Variants in PTPN6 observed in about 807,000 individuals in gnomAD.
The protein encoded by PTPN6 is protein tyrosine phosphatase non-receptor type 6.
PTPN6 carries 18 observed loss-of-function variants against 81.5 expected under a neutral mutation model. That is an observed-to-expected ratio of 0.22 (90% CI 0.15 to 0.33). The LOEUF (loss-of-function observed/expected upper bound fraction) is 0.33, where lower values mean the gene tolerates loss of function less well. Among genes scored for constraint, PTPN6 ranks in the 10% least tolerant of loss-of-function variants. PTPN6 has a pLI of 1.00. For synonymous variants in PTPN6, 301 were observed against 310.9 expected (o/e 0.97, Z 0.33); for missense variants, 500 against 794.2 (o/e 0.63, Z 4.45).
chr12:6,958,279 G>T (rs1474863692), intron 11 of PTPN6, among the ~76,000 whole-genome samples: 3 of 152,188 alleles, frequency 2.0e-5, no homozygotes, highest in Non-Finnish European at 4.4e-5. Flanking sequence ...CTGCCTGTGG[G>T]TATCTTCCTC....
chr12:6,952,950 A>G lies in PTPN6; in HGVS notation c.326+773A>G, dbSNP rs1411349696. ...GAGTAAAGGGCAGCGGAATAACGCT[A>G]GGGGGTTTTCACATGCACCCCTGGG... is the stretch of plus-strand genomic sequence containing the variant. On this transcript the variant is annotated intron_variant, in intron 3 of 15. Transcript: ENST00000318974. The surrounding 1 kb of genome is among the most constrained non-coding windows in gnomAD (Gnocchi z 8.1). 1 of 152,280 alleles carries G rather than the reference A, an allele frequency of 6.6e-6. No homozygotes were observed. The highest frequency in any genetic ancestry group is 2.4e-5 in the African/African-American group (1 of 41,444). 9.4% of individuals were successfully genotyped at this position (152,280 alleles called of 1,614,324 possible).
rs1351499067 is a variant in PTPN6, at chr12:6,954,555, CA to C, written c.327-249del. 3.3e-5 allele frequency among the ~76,000 whole-genome samples: 5 copies of C among 152,328 alleles called. No homozygotes were observed. Among genetic ancestry groups the C allele is most frequent in the African/African-American group, 9.6e-5 (4 of 41,570 alleles). ...GAGCTCTGGAAGCTTGCCCTAGAGT[CA>C]GTCAAGGGCCCTAGGCCAGTGAGTA... On this transcript the variant is annotated intron_variant, in intron 3 of 15. Coordinates refer to ENST00000318974, the MANE Select transcript of PTPN6 (RefSeq NM_002831.6). The surrounding 1 kb of genome is among the most constrained non-coding windows in gnomAD (Gnocchi z 5.4).
rs1253784813 is a variant in PTPN6, at chr12:6,959,701, C to T, written c.1362-226C>T. On this transcript the variant is annotated intron_variant, in intron 11 of 15. Transcript: ENST00000318974. The surrounding 1 kb of genome is among the most constrained non-coding windows in gnomAD (Gnocchi z 6.6). Reference sequence around the variant, plus strand: ...GGAGTGGAGGAGGGAAGGATGGTGGCAGCTGGGGAGCCAGCGTCAGCACCG... The same window carrying T: ...GGAGTGGAGGAGGGAAGGATGGTGGTAGCTGGGGAGCCAGCGTCAGCACCG... 3.3e-6 allele frequency: 2 copies of T among 606,268 alleles called. No homozygotes were observed. Among genetic ancestry groups the T allele is most frequent in the East Asian group, 5.5e-5 (2 of 36,146 alleles). 37.6% of individuals were successfully genotyped at this position (606,268 alleles called of 1,614,324 possible). A position where few individuals can be genotyped will look rare whatever the true frequency, so the allele number is the denominator to read the frequency against.
rs781887079 is a variant in PTPN6 at position 6,957,892 on chromosome 12, G to T, written c.1207-27G>T. On this transcript the variant is annotated intron_variant, in intron 10 of 15. Transcript: ENST00000318974. This position sits in a 1 kb window ranked among gnomAD's most constrained non-coding sequence, Gnocchi z 6.5. Reference sequence around the variant, plus strand: ...GATGAGGTGTTCCGAGAGAGGAGGGGGCACTGACCCTATGTCCTCGGCTTA... The same window carrying T: ...GATGAGGTGTTCCGAGAGAGGAGGGTGCACTGACCCTATGTCCTCGGCTTA... 3.5e-5 allele frequency: 57 copies of T among 1,613,894 alleles called. No homozygotes were observed. The South Asian group carries it at 5.7e-4, about 16-fold the overall frequency.
upstream of PTPN6, among the ~76,000 whole-genome samples, chr12:6,950,900 C>G (rs1364262431): frequency 6.6e-6 from 1 of 152,126 alleles, no homozygotes; most frequent in Non-Finnish European, 1.5e-5. Context: ...AAAGATAGCC[C>G]CTGTTTCATA....
upstream of PTPN6, among the ~76,000 whole-genome samples, chr12:6,949,580 C>A (rs781846087): frequency 6.6e-6 from 1 of 152,150 alleles, no homozygotes; most frequent in Non-Finnish European, 1.5e-5. Flanking sequence ...ATAACACCTA[C>A]TAAGTAGGGT....
At chr12:6,951,324 T>C (rs1409942022), upstream of PTPN6, 1 of 1,507,256 alleles carries the variant, frequency 6.6e-7, no homozygotes, top group Non-Finnish European at 8.9e-7. This position sits in a 1 kb window ranked among gnomAD's most constrained non-coding sequence, Gnocchi z 7.2. Context: ...CCGCGCCTCT[T>C]CCTGTCCCCG....
upstream of PTPN6, among the ~76,000 whole-genome samples, chr12:6,949,882 C>T (rs1159894750): frequency 4.8e-5 from 7 of 144,566 alleles, no homozygotes; most frequent in Non-Finnish European, 7.5e-5. Flanking sequence ...GGCATGATCT[C>T]GGCTCACTGC....
rs1946098507 is a variant in PTPN6 at position 6,959,931 on chromosome 12, G to A, written c.1366G>A (p.Gly456Ser). The change falls in exon 12 of 16, where the codon GGC (glycine) becomes AGC (serine). Residue 456 changes from glycine (G) to serine (S), a missense_variant. Physicochemically the swap from Gly to Ser is moderately conservative, Grantham distance 56. Coordinates refer to ENST00000318974, the MANE Select transcript of PTPN6 (RefSeq NM_002831.6). The surrounding 1 kb of genome is among the most constrained non-coding windows in gnomAD (Gnocchi z 6.6). ...AGPIIVHCSA[G>S]IGRTGTIIVI... Reference sequence around the variant, plus strand: ...GGCACCCCCGTCTTTCCCCAGCGCCGGCATCGGCCGCACAGGCACCATCAT... The same window carrying A: ...GGCACCCCCGTCTTTCCCCAGCGCCAGCATCGGCCGCACAGGCACCATCAT... 6.2e-7 allele frequency: 1 copy of A among 1,611,056 alleles called. No individual in the cohort carries two copies. The highest frequency in any genetic ancestry group is 8.5e-7 in the Non-Finnish European group (1 of 1,179,808).
At position 6,959,901 on chromosome 12, in the gene PTPN6, C is replaced by CTGA; in HGVS notation, c.1362-23_1362-21dup. 1 of 1,610,668 alleles carries CTGA rather than the reference C, an allele frequency of 6.2e-7. No individual in the cohort carries two copies. ...TTCCCGGGGAGGGCTTGACTGGCCT[C>CTGA]TGATGGCACCCCCGTCTTTCCCCAG... On this transcript the variant is annotated intron_variant, in intron 11 of 15. Transcript: ENST00000318974. The surrounding 1 kb of genome is among the most constrained non-coding windows in gnomAD (Gnocchi z 6.6).
In PTPN6 at chr12:6,954,715, C is replaced by T; in HGVS notation, c.327-90C>T. 1 of 1,342,986 alleles carries T rather than the reference C, an allele frequency of 7.4e-7. No homozygotes were observed. Among genetic ancestry groups the T allele is most frequent in the Non-Finnish European group, 1.0e-6 (1 of 966,442 alleles). 83.2% of individuals were successfully genotyped at this position (1,342,986 alleles called of 1,614,324 possible). A position where few individuals can be genotyped will look rare whatever the true frequency, so the allele number is the denominator to read the frequency against. On this transcript the variant is annotated intron_variant, in intron 3 of 15. Transcript: ENST00000318974. This position sits in a 1 kb window ranked among gnomAD's most constrained non-coding sequence, Gnocchi z 5.4. ...CGCAGTGCCTGGCACACAGTAGGTG[C>T]TTGATTTCCGGCCCCTCTCTGTGAA...
At chr12:6,948,111 C>A (rs1191594263), upstream of PTPN6, among the ~76,000 whole-genome samples, 1 of 151,746 alleles carries the variant, frequency 6.6e-6, no homozygotes, top group Non-Finnish European at 1.5e-5. Flanking sequence ...CATAGAGAGA[C>A]CCCATCTCTA....
rs2138286608 is a variant in PTPN6, at chr12:6,960,562, A to G, written c.1673+127A>G. 7.0e-7 allele frequency: 1 copy of G among 1,424,976 alleles called. No homozygotes were observed. 88.3% of individuals were successfully genotyped at this position (1,424,976 alleles called of 1,614,324 possible). On this transcript the variant is annotated intron_variant, in intron 14 of 15. Transcript: ENST00000318974. This position sits in a 1 kb window ranked among gnomAD's most constrained non-coding sequence, Gnocchi z 6.1. ...GGCTTCAAGTTCAGGCTTGGTTCTCACCCCTTCTGTTCATAAGCATTTCCT... is the reference window on the plus strand; with the variant it reads ...GGCTTCAAGTTCAGGCTTGGTTCTCGCCCCTTCTGTTCATAAGCATTTCCT...
intron 3 of PTPN6, chr12:6,953,239 C>G (rs781789452): frequency 1.3e-5 from 2 of 152,382 alleles, no homozygotes; most frequent in Non-Finnish European, 2.9e-5. Context: ...TGGCTGGCTC[C>G]GTGTCTGCCC....
chr12:6,946,680 C>T (rs1945823095), upstream of PTPN6: 3 of 1,567,996 alleles, frequency 1.9e-6, no homozygotes, highest in Non-Finnish European at 2.6e-6. Context: ...GGCTCAGCCC[C>T]GCCCCCTGCG....
At chr12:6,958,350 G>A (rs1329260506) in intron 11 of PTPN6, among the ~76,000 whole-genome samples, 2 of 152,222 alleles carry the variant, frequency 1.3e-5, no homozygotes, top group Non-Finnish European at 1.5e-5. Flanking sequence ...AGGAGCCCGG[G>A]ACCCAGTTGC....
In PTPN6 at chr12:6,956,323, G is replaced by T; in HGVS notation, c.925-96G>T. ...GAGACAGCTGGGCAAAGCCGAAGCT[G>T]GCTTCTTGCATGGGTGAGGGTGGCA... is the stretch of plus-strand genomic sequence containing the variant. On this transcript the variant is annotated intron_variant, in intron 8 of 15. Transcript: ENST00000318974. This position sits in a 1 kb window ranked among gnomAD's most constrained non-coding sequence, Gnocchi z 4.1. 6.2e-7 allele frequency: 1 copy of T among 1,611,012 alleles called. No individual in the cohort carries two copies. Among genetic ancestry groups the T allele is most frequent in the Non-Finnish European group, 8.5e-7 (1 of 1,177,166 alleles).
rs1460393540 is a variant in PTPN6, at chr12:6,955,243, A to G, written c.609A>G (p.Ser203=). The G allele has an allele frequency of 1.2e-6, 2 of 1,614,196 alleles. No individual in the cohort carries two copies. The highest frequency in any genetic ancestry group is 1.3e-5 in the African/African-American group (1 of 75,050). ...AGAAGACGGGGATTGAGGAGGCCTC[A>G]GGCGCCTTTGTCTACCTGCGGCAGG... The part of the protein sequence containing the change: ...HFKKTGIEEA[S]GAFVYLRQPY... The change falls in exon 5 of 16, where the codon TCA becomes TCG. Residue 203 remains serine (S), a synonymous_variant. Coordinates refer to ENST00000318974, the MANE Select transcript of PTPN6 (RefSeq NM_002831.6). This position sits in a 1 kb window ranked among gnomAD's most constrained non-coding sequence, Gnocchi z 7.2.
chr12:6,949,409 G>GC (rs1240002878), upstream of PTPN6, among the ~76,000 whole-genome samples: 1 of 152,186 alleles, frequency 6.6e-6, no homozygotes, highest in Non-Finnish European at 1.5e-5. Flanking sequence ...CATCCCATCT[G>GC]CCCCCGACGC....
Sources: allele counts gnomAD v4.1 joint callset (sites outside exome capture counted in the v4.1 genomes callset), GRCh38; gene constraint gnomAD v4.1.1; non-coding constraint Gnocchi (gnomAD v3.1); transcripts MANE v1.5; gene names NCBI Gene and HGNC (gene_info 2026-07-23, HGNC 2026-07-21).